Variants in WDR90 observed in about 807,000 individuals in gnomAD.
The protein encoded by WDR90 is WD repeat-containing protein 90.
WDR90 carries 238 observed loss-of-function variants against 195.2 expected under a neutral mutation model. The ratio of observed to expected loss-of-function variants is 1.22; its 90% CI spans 1.10 to 1.36. The LOEUF (loss-of-function observed/expected upper bound fraction) is 1.36, where lower values mean the gene tolerates loss of function less well. Among genes scored for constraint, WDR90 ranks in the 40% most tolerant of loss-of-function variants. The pLI is 0.00. For missense variants in WDR90, 2,734 were observed against 2,439.5 expected (o/e 1.12, Z -2.54); for synonymous variants, 1,265 against 1,052.4 (o/e 1.20, Z -3.91).
Position 662,294 on chromosome 16 carries a change from G to C in WDR90, c.4108G>C (p.Ala1370Pro), listed in dbSNP as rs866751286. The change falls in exon 33 of 41, where the codon GCT (alanine) becomes CCT (proline). Residue 1370 changes from alanine (A) to proline (P), a missense_variant. Transcript: ENST00000293879. The part of the protein sequence containing the change: ...TGRLRLWAVG[A>P]VSELRCKGSG... ...GCGGCTGCGCCTGTGGGCCGTGGGG[G>C]CTGTGTCGGAGCTGAGGTGCAAGGG... 3.2e-6 allele frequency: 5 copies of C among 1,579,780 alleles called. No individual in the cohort carries two copies. The highest frequency in any genetic ancestry group is 4.3e-6 in the Non-Finnish European group (5 of 1,163,970).
chr16:650,447 G>A (rs923684659), intron 4 of WDR90, 85 bp downstream of exon 4: 18 of 1,590,340 alleles, frequency 1.1e-5, no homozygotes, highest in Non-Finnish European at 1.4e-5. Flanking sequence ...TCTGCGGCCT[G>A]GAGGACAACC....
chr16:652,187 C>T (rs1157253091), intron 9 of WDR90, 148 bp downstream of exon 9: 12 of 1,011,714 alleles, frequency 1.2e-5, no homozygotes, highest in East Asian at 7.9e-5. Flanking sequence ...TGGCGGGAGG[C>T]GGCTTTGGGG....
intron 20 of WDR90, among the ~76,000 whole-genome samples, 195 bp from the exon 21 acceptor site, chr16:657,567 C>A (rs2037787287): frequency 6.6e-6 from 1 of 152,224 alleles, no homozygotes; most frequent in Non-Finnish European, 1.5e-5. Flanking sequence ...ACTGCTGGCC[C>A]ACGGGGACTC....
rs9930754 is a variant in WDR90, at chr16:655,920, G to A, written c.1966+31G>A. Reference sequence around the variant, plus strand: ...GCTGTGGGCACGCTCTCCCAACTCCGGGAGAGCCTCGCCTGGATGCTGGGG... The same window carrying A: ...GCTGTGGGCACGCTCTCCCAACTCCAGGAGAGCCTCGCCTGGATGCTGGGG... On this transcript the variant is annotated intron_variant, in intron 17 of 40. Transcript: ENST00000293879. 41 of 1,564,222 alleles carry A rather than the reference G, an allele frequency of 2.6e-5. No homozygotes were observed. The African/African-American group carries it at 3.2e-4, about 12-fold the overall frequency.
chr16:662,361 T>C, intron 33 of WDR90, 30 bp downstream of exon 33: 3 of 1,542,244 alleles, frequency 1.9e-6, no homozygotes, highest in Non-Finnish European at 2.6e-6. Flanking sequence ...GTGTTTTGGC[T>C]GCACGTGGGT....
chr16:660,945 CCACGGCTCGGCCCAGG>C, intron 28 of WDR90, 90 bp from the exon 29 acceptor site: 2 of 580,742 alleles, frequency 3.4e-6, no homozygotes, highest in South Asian at 3.7e-5. Flanking sequence ...TGGCCCCGCC[CCACGGCTCGGCCCAGG>C]CCCCGCCCCC....
At chr16:652,234 T>A in intron 9 of WDR90, 195 bp downstream of exon 9, 1 of 823,430 alleles carries the variant, frequency 1.2e-6, no homozygotes, top group Non-Finnish European at 1.9e-6. Context: ...GCAGGGCTTC[T>A]GCTCACCCCC....
chr16:658,470 A>C, intron 22 of WDR90, 55 bp from the exon 23 acceptor site: 1 of 1,584,782 alleles, frequency 6.3e-7, no homozygotes, highest in Non-Finnish European at 8.6e-7. Context: ...GGGAGGCCCC[A>C]GGCTGCTGGC....
At chr16:651,780 TG>T in intron 8 of WDR90, 33 bp downstream of exon 8, 2 of 1,612,532 alleles carry the variant, frequency 1.2e-6, no homozygotes. Flanking sequence ...GAGATGGGGT[TG>T]GGGTGTGATG....
intron 34 of WDR90, chr16:663,110 G>A: frequency 1.6e-6 from 1 of 618,272 alleles, no homozygotes; most frequent in South Asian, 1.6e-5. Context: ...GCGTTTTTTT[G>A]TTTGTTTGTT....
At position 663,004 on chromosome 16, in the gene WDR90, C is replaced by T. The variant is rs576843021; in HGVS notation, c.4311+160C>T. On this transcript the variant is annotated intron_variant, in intron 34 of 40. Transcript: ENST00000293879. Reference sequence around the variant, plus strand: ...CCAGCGGGGAAGTCTTGGGTGTGCACGTCCCCTCAAAGCCGTCCCGGTTGT... The same window carrying T: ...CCAGCGGGGAAGTCTTGGGTGTGCATGTCCCCTCAAAGCCGTCCCGGTTGT... The T allele has an allele frequency of 4.1e-4, 463 of 1,134,344 alleles. 3 individuals carry two copies. The East Asian group carries it at 5.3e-3, about 13-fold the overall frequency. The allele number at this position is 1,134,344 out of a possible 1,614,324, so 70.3% of individuals were successfully genotyped here. A position where few individuals can be genotyped will look rare whatever the true frequency, so the allele number is the denominator to read the frequency against.
intron 36 of WDR90, 39 bp downstream of exon 36, chr16:666,163 C>G: frequency 6.2e-7 from 1 of 1,606,490 alleles, no homozygotes. Context: ...GCCGTCCTGA[C>G]CTGGCCCAGG....
chr16:649,232 C>T (rs2037587131), upstream of WDR90: 3 of 615,248 alleles, frequency 4.9e-6, no homozygotes, highest in East Asian at 3.5e-5. Flanking sequence ...GCTGGAGCAA[C>T]CCTGGAGGCC....
In WDR90 at chr16:656,336, C is replaced by T. The variant is rs766171251; in HGVS notation, c.2001C>T (p.Ser667=). The change falls in exon 18 of 41, where the codon AGC becomes AGT. Residue 667 remains serine, a synonymous_variant. Transcript: ENST00000293879. The part of the protein sequence containing the change: ...HEGPVSSVCV[S]PDGLRVLSAT... ...GCCCCGTCAGCTCAGTCTGTGTCAG[C>T]CCCGATGGCCTCCGTGTGCTGTCTG... 4 of 1,608,910 alleles carry T rather than the reference C, an allele frequency of 2.5e-6. No individual in the cohort carries two copies. Among genetic ancestry groups the T allele is most frequent in the African/African-American group, 1.3e-5 (1 of 74,866 alleles).
chr16:661,136 G>C lies in WDR90; in HGVS notation c.3477G>C (p.Ala1159=), dbSNP rs758494439. Residue 1159 remains alanine, a synonymous_variant, in exon 29 of 41, where the codon GCG becomes GCC. Coordinates refer to ENST00000293879, the MANE Select transcript of WDR90 (RefSeq NM_145294.5). ...AGCAGCACTGGTCCGGCCACTCTGC[G>C]GAGATCTCCACGCTGGCCCTCAGCC... ...GAQQHWSGHS[A]EISTLALSHS... 6.4e-7 allele frequency: 1 copy of C among 1,560,428 alleles called. No homozygotes were observed. The highest frequency in any genetic ancestry group is 8.6e-7 in the Non-Finnish European group (1 of 1,160,376).
rs758745593 is a variant in WDR90 at position 651,913 on chromosome 16, C to T, written c.927C>T (p.Pro309=). The T allele has an allele frequency of 8.7e-6, 14 of 1,610,750 alleles. No homozygotes were observed. The highest frequency in any genetic ancestry group is 1.6e-4 in the Middle Eastern group (1 of 6,062). Residue 309 remains proline, a synonymous_variant, in exon 9 of 41, where the codon CCC becomes CCT. Transcript: ENST00000293879. ...ERSDASNADG[P]GFHSLEPWAQ... is the part of the protein sequence containing the mutation. ...CAGACGCCTCCAACGCGGATGGCCC[C>T]GGTTTCCATAGCCTTGAGCCCTGGG...
chr16:661,497 A>T lies in WDR90; in HGVS notation c.3669A>T (p.Thr1223=). The change falls in exon 30 of 41, where the codon ACA becomes ACT. Residue 1223 remains threonine (T), a synonymous_variant. Transcript: ENST00000293879. ...CACCAGATGACAGGCTTCTTGTCAC[A>T]CTGGGTCAGTGGGAGGGAGGGTGGA... ...AFSPDDRLLV[T]LGDHDGRTLA... is the part of the protein sequence containing the mutation. The T allele has an allele frequency of 8.7e-6, 14 of 1,602,846 alleles. No individual in the cohort carries two copies. The highest frequency in any genetic ancestry group is 1.2e-5 in the Non-Finnish European group (14 of 1,172,828).
intron 13 of WDR90, 171 bp from the exon 14 acceptor site, chr16:654,858 G>A: frequency 1.6e-6 from 1 of 621,524 alleles, no homozygotes; most frequent in Non-Finnish European, 2.8e-6. Flanking sequence ...CAAAGCTTCA[G>A]GATGAGAAGA....
upstream of WDR90, chr16:649,318 G>A: frequency 5.4e-6 from 7 of 1,287,080 alleles, no homozygotes; most frequent in Non-Finnish European, 6.9e-6. Context: ...AGTAATGGCG[G>A]AAGTGGCACC....
Sources: gnomAD v4.1 joint callset for allele counts (sites outside exome capture counted in the v4.1 genomes callset) on GRCh38, gnomAD v4.1.1 for gene constraint, MANE v1.5 for transcripts, NCBI Gene and HGNC (gene_info 2026-07-23, HGNC 2026-07-21) for gene names.